MAML3: variants seen among roughly 807,000 people sequenced by gnomAD.
The protein encoded by MAML3 is mastermind like transcriptional coactivator 3.
MAML3 carries 27 observed loss-of-function variants against 101.9 expected under a neutral mutation model. The ratio of observed to expected loss-of-function variants is 0.27; its 90% confidence interval spans 0.20 to 0.37. The LOEUF is 0.37. Ranked by LOEUF, MAML3 falls within the 10% of genes least tolerant of loss-of-function variation. MAML3 has a pLI of 1.00. For missense variants in MAML3, 1,316 were observed against 1,444.9 expected, an observed-to-expected ratio of 0.91 and a Z score of 1.45; for synonymous variants, 501 against 555.9, an observed-to-expected ratio of 0.90 and a Z score of 1.39.
intron 1 of MAML3, among the ~76,000 whole-genome samples, chr4:140,119,386 T>C (rs1376243389): frequency 1.3e-5 from 2 of 152,228 alleles, no homozygotes; most frequent in African/African-American, 2.4e-5. Context: ...TTAATTTAAC[T>C]AACCTAGTAC....
intron 1 of MAML3, among the ~76,000 whole-genome samples, chr4:140,033,130 T>C (rs1320958544): frequency 2.6e-5 from 4 of 152,164 alleles, no homozygotes; most frequent in Non-Finnish European, 4.4e-5. Context: ...CCTATATGGA[T>C]TGCACATAAT....
At chr4:139,952,219 T>C (rs1223984847) in intron 1 of MAML3, among the ~76,000 whole-genome samples, 1 of 152,206 alleles carries the variant, frequency 6.6e-6, no homozygotes, top group Non-Finnish European at 1.5e-5. Flanking sequence ...TAATGCTTTA[T>C]AGGCAGACTG....
chr4:139,978,667 T>G (rs1266925811), intron 1 of MAML3, among the ~76,000 whole-genome samples: 2 of 148,496 alleles, frequency 1.3e-5, no homozygotes, highest in East Asian at 4.2e-4. Context: ...CACAACATTC[T>G]CTTCCTTCAG....
intron 1 of MAML3, among the ~76,000 whole-genome samples, chr4:139,999,533 AT>A (rs1334639873): frequency 2.6e-5 from 4 of 152,080 alleles, no homozygotes; most frequent in African/African-American, 7.2e-5. Context: ...GTTTTTGTTC[AT>A]TTTGTCCAGC....
chr4:139,867,857 G>A (rs886140444), intron 2 of MAML3, among the ~76,000 whole-genome samples: 11 of 152,180 alleles, frequency 7.2e-5, no homozygotes, highest in East Asian at 1.9e-4. Context: ...TGAGGCCACC[G>A]CCCCACACTG....
At chr4:139,730,306 G>A (rs927051267) in intron 3 of MAML3, 110 bp downstream of exon 3, 6 of 940,918 alleles carry the variant, frequency 6.4e-6, no homozygotes, top group African/African-American at 3.2e-5. Context: ...ATGCTAGACC[G>A]TGAGCATCTT....
At chr4:139,760,699 T>A (rs1474269323) in intron 2 of MAML3, among the ~76,000 whole-genome samples, 2 of 152,214 alleles carry the variant, frequency 1.3e-5, no homozygotes, top group African/African-American at 4.8e-5. Context: ...ACTGTACTAC[T>A]ATATTCTATA....
chr4:140,126,106 T>C (rs909944750), intron 1 of MAML3, among the ~76,000 whole-genome samples: 3 of 150,986 alleles, frequency 2.0e-5, no homozygotes, highest in African/African-American at 7.3e-5. Flanking sequence ...GCAATACCAT[T>C]ATTCCATTTA....
At chr4:140,129,880 A>G (rs944566620) in intron 1 of MAML3, among the ~76,000 whole-genome samples, 2 of 151,672 alleles carry the variant, frequency 1.3e-5, no homozygotes, top group Non-Finnish European at 2.9e-5. Flanking sequence ...CAGGAGAATC[A>G]CTTGAACCCA....
At chr4:139,926,554 C>T (rs968797043) in intron 1 of MAML3, among the ~76,000 whole-genome samples, 1 of 152,138 alleles carries the variant, frequency 6.6e-6, no homozygotes, top group Admixed American at 6.5e-5. Context: ...GAGCCGAGAT[C>T]GCACCACTGC....
chr4:139,955,338 T>A (rs117257853), intron 1 of MAML3, among the ~76,000 whole-genome samples: 1 of 150,626 alleles, frequency 6.6e-6, no homozygotes, highest in Non-Finnish European at 1.5e-5. Flanking sequence ...TTTTTTTTAA[T>A]CTAAAAGTTT....
intron 1 of MAML3, among the ~76,000 whole-genome samples, chr4:140,025,687 G>T (rs1321817279): frequency 6.6e-6 from 1 of 152,148 alleles, no homozygotes; most frequent in South Asian, 2.1e-4. Context: ...TGCCAACATT[G>T]TTTCAGGAAG....
At chr4:140,120,770 G>T (rs1728594876) in intron 1 of MAML3, among the ~76,000 whole-genome samples, 1 of 152,052 alleles carries the variant, frequency 6.6e-6, no homozygotes, top group Non-Finnish European at 1.5e-5. Flanking sequence ...ATTACAAACA[G>T]ATAGGGAAAA....
At chr4:139,893,308 C>T (rs187242323) in intron 1 of MAML3, among the ~76,000 whole-genome samples, 237 of 152,238 alleles carry the variant, frequency 1.6e-3, no homozygotes, top group Non-Finnish European at 2.5e-3. Context: ...TTATACTCTT[C>T]TCCACCCTAG....
At chr4:139,772,049 C>T (rs575472422) in intron 2 of MAML3, among the ~76,000 whole-genome samples, 6 of 150,774 alleles carry the variant, frequency 4.0e-5, no homozygotes, top group Admixed American at 1.3e-4. Context: ...ACCATCCTGG[C>T]TAACACGGTG....
chr4:139,900,486 A>G (rs568671192), intron 1 of MAML3, among the ~76,000 whole-genome samples: 9 of 152,302 alleles, frequency 5.9e-5, no homozygotes, highest in African/African-American at 2.2e-4. Context: ...GATCCCCTCA[A>G]ATCTCCAAAT....
chr4:139,758,926 G>C (rs780674159), intron 2 of MAML3, among the ~76,000 whole-genome samples: 1 of 152,196 alleles, frequency 6.6e-6, no homozygotes, highest in African/African-American at 2.4e-5. Context: ...TCTGGGCATC[G>C]TGGCACCTGA....
At chr4:139,759,736 A>T (rs373137022) in intron 2 of MAML3, among the ~76,000 whole-genome samples, 1 of 151,566 alleles carries the variant, frequency 6.6e-6, no homozygotes, top group African/African-American at 2.4e-5. Flanking sequence ...AGATAAAAAT[A>T]TTTTTTTGCA....
intron 1 of MAML3, among the ~76,000 whole-genome samples, chr4:139,924,063 G>A (rs185559842): frequency 1.2e-4 from 19 of 152,264 alleles, no homozygotes; most frequent in African/African-American, 4.3e-4. Flanking sequence ...TCTTCCTAGT[G>A]TTTGACATAT....
Sources: gnomAD v4.1 joint callset for allele counts (sites outside exome capture counted in the v4.1 genomes callset) on GRCh38, gnomAD v4.1.1 for gene constraint, MANE v1.5 for transcripts, NCBI Gene and HGNC (gene_info 2026-07-23, HGNC 2026-07-21) for gene names.